Variants in DNAH12 observed in about 807,000 individuals in gnomAD.
DNAH12 encodes axonemal beta dynein heavy chain 12.
Under a neutral mutation model 371.5 loss-of-function variants are expected in DNAH12, and 285 were observed. That is an observed-to-expected ratio of 0.77 (90% CI 0.70 to 0.85). The LOEUF is 0.85. Among genes scored for constraint, DNAH12 ranks in the 40% least tolerant of loss-of-function variants. DNAH12 has a pLI of 0.00. For missense variants in DNAH12, 3,611 were observed against 3,689.4 expected, an observed-to-expected ratio of 0.98 and a Z score of 0.55; for synonymous variants, 1,200 against 1,213.0, an observed-to-expected ratio of 0.99 and a Z score of 0.22.
chr3:57,477,051 T>A (rs1369291065), intron 13 of DNAH12, among the ~76,000 whole-genome samples: 1 of 152,064 alleles, frequency 6.6e-6, no homozygotes, highest in Admixed American at 6.6e-5. Context: ...CAGGTTCATC[T>A]CACCGGGGAG....
chr3:57,332,643 T>A (rs1174748124), intron 62 of DNAH12, among the ~76,000 whole-genome samples: 4 of 152,230 alleles, frequency 2.6e-5, no homozygotes, highest in Non-Finnish European at 5.9e-5. Flanking sequence ...TGCTGGAAGT[T>A]GCAGAGTTCT....
intron 55 of DNAH12, among the ~76,000 whole-genome samples, chr3:57,373,047 C>A (rs2063208157): frequency 6.6e-6 from 1 of 152,094 alleles, no homozygotes; most frequent in South Asian, 2.1e-4. Flanking sequence ...AATAAAATTA[C>A]CTTTCATCAT....
rs2063294572 is a variant in DNAH12 at position 57,376,992 on chromosome 3, T to C, written c.8454A>G (p.Gly2818=). 1 of 152,182 alleles carries C rather than the reference T, an allele frequency of 6.6e-6. No homozygotes were observed. The highest frequency in any genetic ancestry group is 2.4e-5 in the African/African-American group (1 of 41,454). The allele number at this position is 152,182 out of a possible 1,614,324, so 9.4% of individuals were successfully genotyped here. Residue 2818 remains glycine, a synonymous_variant, in exon 53 of 74, where the codon GGA becomes GGG. Transcript: ENST00000495027. ...AATAGAAATCTGACCTTGATTTTTC[T>C]CCACCCAGTCCTCCAATTAATTGTG... ...RASQLIGGLG[G]EKSRWAQAAD...
chr3:57,551,473 G>A, the DNAH12 span, among the ~76,000 whole-genome samples: 1 of 151,526 alleles, frequency 6.6e-6, no homozygotes. Context: ...GGGTTTCGCC[G>A]TGTTAGCCAG....
intron 26 of DNAH12, 111 bp downstream of exon 26, chr3:57,446,426 G>A (rs1435292888): frequency 7.0e-7 from 1 of 1,430,194 alleles, no homozygotes; most frequent in South Asian, 1.5e-5. Context: ...GAAAGTCCAA[G>A]TAATATTCAA....
intron 11 of DNAH12, among the ~76,000 whole-genome samples, chr3:57,494,323 T>C (rs909259982): frequency 6.6e-6 from 1 of 151,548 alleles, no homozygotes; most frequent in African/African-American, 2.4e-5. Flanking sequence ...GAGGCCAAGG[T>C]GCATGGATTA....
the DNAH12 span, among the ~76,000 whole-genome samples, chr3:57,555,955 G>A: frequency 1.3e-5 from 2 of 152,230 alleles, no homozygotes; most frequent in Non-Finnish European, 2.9e-5. Context: ...GTCCAGTCCC[G>A]GGCGCAGGGA....
At chr3:57,384,267 C>A (rs1170459257) in intron 49 of DNAH12, among the ~76,000 whole-genome samples, 1 of 152,134 alleles carries the variant, frequency 6.6e-6, no homozygotes, top group Non-Finnish European at 1.5e-5. Flanking sequence ...ATGTACAGAA[C>A]CACTTTGGCC....
At chr3:57,551,867 A>T in the DNAH12 span, among the ~76,000 whole-genome samples, 1 of 152,138 alleles carries the variant, frequency 6.6e-6, no homozygotes, top group Non-Finnish European at 1.5e-5. Context: ...ACATCAAAGT[A>T]TATAAACTTA....
intron 17 of DNAH12, among the ~76,000 whole-genome samples, chr3:57,466,338 C>G (rs1412868606): frequency 6.6e-6 from 1 of 152,080 alleles, no homozygotes; most frequent in Non-Finnish European, 1.5e-5. Flanking sequence ...CAGGTGAGAA[C>G]CATGAGGAGA....
intron 43 of DNAH12, among the ~76,000 whole-genome samples, chr3:57,395,459 C>T (rs1475920186): frequency 6.6e-6 from 1 of 152,118 alleles, no homozygotes; most frequent in South Asian, 2.1e-4. Flanking sequence ...TATTTTCACT[C>T]CATAAAATAA....
At chr3:57,302,935 GTC>G (rs899977541) in intron 69 of DNAH12, among the ~76,000 whole-genome samples, 2 of 151,836 alleles carry the variant, frequency 1.3e-5, no homozygotes, top group Non-Finnish European at 2.9e-5. Context: ...TGTTTATTCT[GTC>G]TCTAATTCCT....
chr3:57,345,515 C>T (rs1553657758), intron 60 of DNAH12, among the ~76,000 whole-genome samples: 1 of 152,116 alleles, frequency 6.6e-6, no homozygotes, highest in Admixed American at 6.6e-5. Context: ...CTGCCATACC[C>T]AATGTACTGA....
intron 13 of DNAH12, among the ~76,000 whole-genome samples, chr3:57,474,978 A>T (rs2066478848): frequency 6.6e-6 from 1 of 152,022 alleles, no homozygotes; most frequent in Admixed American, 6.6e-5. Context: ...CTTTCTCAAA[A>T]AAAAAAAGGC....
At chr3:57,311,069 C>G in intron 66 of DNAH12, 119 bp from the exon 67 acceptor site, 6 of 753,706 alleles carry the variant, frequency 8.0e-6, no homozygotes, top group Non-Finnish European at 1.3e-5. Flanking sequence ...AGTTGTCTTT[C>G]GGTAGCTGAG....
intron 2 of DNAH12, chr3:57,530,232 T>TAA (rs1401857165): frequency 4.9e-6 from 1 of 203,394 alleles, no homozygotes; most frequent in Non-Finnish European, 9.8e-6. Flanking sequence ...CCCTGCTTTT[T>TAA]AACTTTTTGT....
chr3:57,495,463 A>C (rs2067277332), intron 11 of DNAH12, among the ~76,000 whole-genome samples: 1 of 151,280 alleles, frequency 6.6e-6, no homozygotes, highest in African/African-American at 2.5e-5. Context: ...AGGGAGGCTG[A>C]GGCAGGAGAA....
chr3:57,345,383 T>C (rs552990428), intron 60 of DNAH12, among the ~76,000 whole-genome samples: 1 of 152,280 alleles, frequency 6.6e-6, no homozygotes, highest in African/African-American at 2.4e-5. Context: ...TCAAATCCCA[T>C]AATGTATACA....
At position 57,433,712 on chromosome 3, in the gene DNAH12, C is replaced by G. The variant is rs61244165; in HGVS notation, c.4772G>C (p.Arg1591Thr). 2.1e-3 allele frequency: 3,218 copies of G among 1,551,338 alleles called. 54 individuals are homozygous for G. In the African/African-American group the frequency reaches 0.036, roughly 17 times the overall value. The change falls in exon 31 of 74, where the codon AGA becomes ACA. Residue 1591 changes from arginine to threonine, a missense_variant. Arg to Thr is a moderately conservative substitution (Grantham distance 71). This residue lies in a region of DNAH12 where 2,266 missense variants were observed against 2,236.9 expected (regional missense o/e 1.01). Transcript: ENST00000495027. ...AGTAATAGATTTGGGGTTTACAGTT[C>G]TATAAATGACCTTTTCTTCCTCTCC... ...GYGEEEKVIY[R>T]TVNPKSITMG...
Sources: allele counts gnomAD v4.1 joint callset (sites outside exome capture counted in the v4.1 genomes callset), GRCh38; gene constraint gnomAD v4.1.1; regional missense constraint gnomAD v4.1.1; transcripts MANE v1.5; gene names NCBI Gene and HGNC (gene_info 2026-07-23, HGNC 2026-07-21).